The following PLOD3 variants were observed in gnomAD, a reference collection of about 807,000 sequenced individuals.
PLOD3 encodes the protein multifunctional procollagen lysine hydroxylase and glycosyltransferase LH3.
A neutral mutation model predicts 96.9 loss-of-function variants in PLOD3; 73 were observed. The observed-to-expected ratio is 0.75, with a 90% CI of 0.62 to 0.92. The LOEUF (loss-of-function observed/expected upper bound fraction) is 0.92, where lower values mean the gene tolerates loss of function less well. Among genes scored for constraint, PLOD3 ranks in the 40% least tolerant of loss-of-function variants. PLOD3 has a pLI of 0.00. For missense variants in PLOD3, 1,004 were observed against 1,004.3 expected, an observed-to-expected ratio of 1.00 and a Z score of 0.00; for synonymous variants, 454 against 413.7, an observed-to-expected ratio of 1.10 and a Z score of -1.18.
At chr7:101,210,028 CG>C in intron 15 of PLOD3, 64 bp downstream of exon 15, 3 of 628,974 alleles carry the variant, frequency 4.8e-6, no homozygotes, top group Non-Finnish European at 4.9e-6. Flanking sequence ...TGAATCCAGG[CG>C]GGGGCCCCCA....
chr7:101,207,603 C>T lies in PLOD3; in HGVS notation c.1910G>A (p.Ser637Asn). Residue 637 changes from serine (S) to asparagine (N), a missense_variant, in exon 17 of 19, where the codon AGC (serine) becomes AAC (asparagine). Ser to Asn is a conservative substitution (Grantham distance 46, BLOSUM62 1). This residue lies in a region of PLOD3 where 222 missense variants were observed against 220.4 expected (regional missense o/e 1.01). Coordinates refer to ENST00000223127, the MANE Select transcript of PLOD3 (RefSeq NM_001084.5). The stretch of plus-strand genomic sequence containing the variant: ...CTTGGTGTGGTAACCGGGAAACAGG[C>T]TCTCGGTCATGGGGCCCACATACGT... ...LRTYVGPMTE[S>N]LFPGYHTKAR... The T allele has an allele frequency of 1.2e-6, 2 of 1,614,058 alleles. No individual in the cohort carries two copies. The highest frequency in any genetic ancestry group is 1.1e-5 in the South Asian group (1 of 91,090).
At position 101,206,321 on chromosome 7, in the gene PLOD3, C is replaced by G; in HGVS notation, c.2177G>C (p.Trp726Ser). The G allele has an allele frequency of 6.2e-7, 1 of 1,614,028 alleles. No homozygotes were observed. Among genetic ancestry groups the G allele is most frequent in the Admixed American group, 1.7e-5 (1 of 60,016 alleles). The change falls in exon 19 of 19, where the codon TGG (tryptophan) becomes TCG (serine). Residue 726 changes from tryptophan (W) to serine (S), a missense_variant. Trp to Ser is a radical substitution (Grantham distance 177). Transcript: ENST00000223127. ...GGACACCATGATGTAGCGTGTGCCC[C>G]AGGTCGTTGGCAGCCCCTCGTGGTA... ...THYHEGLPTT[W>S]GTRYIMVSFV...
chr7:101,209,318 C>T (rs11973058), intron 15 of PLOD3, among the ~76,000 whole-genome samples: 2,117 of 152,080 alleles, frequency 0.014, 39 homozygotes, highest in East Asian at 0.086. Flanking sequence ...GCGATCCTCC[C>T]GCCTCAGACT....
rs80101104 is a variant in PLOD3 at position 101,212,102 on chromosome 7, A to G, written c.1127+151T>C. ...GTCTGGGTGAGCTGGCAAGGGCAGG[A>G]GTGACAGCATGGGGGCTGCAAGGAT... On this transcript the variant is annotated intron_variant, in intron 10 of 18. Coordinates refer to ENST00000223127, the MANE Select transcript of PLOD3 (RefSeq NM_001084.5). 10,265 of 1,125,604 alleles carry G rather than the reference A, an allele frequency of 9.1e-3. 199 individuals are homozygous for G. Among genetic ancestry groups the G allele is most frequent in the East Asian group, 0.079 (3,257 of 41,214 alleles). The allele number at this position is 1,125,604 out of a possible 1,614,324, so 69.7% of individuals were successfully genotyped here.
At chr7:101,211,478 G>C (rs1028451447) in intron 12 of PLOD3, 113 bp downstream of exon 12, 1 of 1,128,636 alleles carries the variant, frequency 8.9e-7, no homozygotes. Context: ...ACTGCAGCCA[G>C]CCTCATGGCA....
intron 12 of PLOD3, chr7:101,211,281 G>A (rs1167510102): frequency 3.2e-6 from 1 of 313,442 alleles, no homozygotes; most frequent in African/African-American, 2.1e-5. Context: ...CCAAGTTCAA[G>A]TGATTCTCCC....
At chr7:101,207,512 T>G in intron 17 of PLOD3, 66 bp downstream of exon 17, 70 of 1,544,756 alleles carry the variant, frequency 4.5e-5, no homozygotes, top group Non-Finnish European at 5.8e-5. Flanking sequence ...GGGGTCTGCG[T>G]GGAGACTTCC....
Position 101,216,552 on chromosome 7 carries a change from G to A in PLOD3, c.202-6C>T, listed in dbSNP as rs759007615. ...TCCTCTCCCAGGCCCAGGGTCTGTG[G>A]AGAAGATTGCCCCGTGCCAGGCAAG... On this transcript the variant is annotated splice_polypyrimidine_tract_variant and splice_region_variant and intron_variant, in intron 2 of 18. Transcript: ENST00000223127. 1.2e-6 allele frequency: 2 copies of A among 1,614,010 alleles called. No homozygotes were observed. The highest frequency in any genetic ancestry group is 4.5e-5 in the East Asian group (2 of 44,864).
Position 101,206,913 on chromosome 7 carries a change from G to A in PLOD3, c.1936-9C>T. The A allele has an allele frequency of 6.4e-7, 1 of 1,554,810 alleles. No homozygotes were observed. The highest frequency in any genetic ancestry group is 8.7e-7 in the Non-Finnish European group (1 of 1,148,666). ...TTCATCACCGCCCGCGCCTGGGGGA[G>A]AGGAGGGAAGAGGCTGCAGGGACAG... On this transcript the variant is annotated splice_polypyrimidine_tract_variant and intron_variant, in intron 17 of 18. Coordinates refer to ENST00000223127, the MANE Select transcript of PLOD3 (RefSeq NM_001084.5).
In PLOD3 at chr7:101,212,570, T is replaced by A. The variant is rs1798202898; in HGVS notation, c.965A>T (p.Asp322Val). ...AAGGGTGACCCTGTCGGGGGGATAG[T>A]CCAGGAGTAGCAGCCGCTGCAGGAA... Reference protein sequence around the residue: ...PRFLQRLLLLDYPPDRVTLFL... With the variant: ...PRFLQRLLLLVYPPDRVTLFL... The change falls in exon 9 of 19, where the codon GAC (aspartate) becomes GTC (valine). Residue 322 changes from aspartate (D) to valine (V), a missense_variant. This residue lies in a region of PLOD3 where 690 missense variants were observed against 650.2 expected (regional missense o/e 1.06). Transcript: ENST00000223127. 1 of 1,613,430 alleles carries A rather than the reference T, an allele frequency of 6.2e-7. No homozygotes were observed. Among genetic ancestry groups the A allele is most frequent in the Non-Finnish European group, 8.5e-7 (1 of 1,179,804 alleles).
In PLOD3 at chr7:101,206,758, G is replaced by A. The variant is rs373545611; in HGVS notation, c.2061+21C>T. On this transcript the variant is annotated intron_variant, in intron 18 of 18. Transcript: ENST00000223127. ...AGGGTCCTGAGGTGAAGCGTGGGTG[G>A]GTAGTGTGACTGGGGCGCACCTCAT... The A allele has an allele frequency of 3.0e-4, 475 of 1,576,128 alleles. 2 individuals are homozygous for A. The African/African-American group carries it at 5.8e-3, about 19-fold the overall frequency.
intron 15 of PLOD3, among the ~76,000 whole-genome samples, chr7:101,209,336 A>C (rs1798143135): frequency 6.6e-6 from 1 of 151,786 alleles, no homozygotes; most frequent in Non-Finnish European, 1.5e-5. Context: ...ACTCCCAAGT[A>C]GCTGGAACTA....
At chr7:101,206,670 C>A in intron 18 of PLOD3, 109 bp downstream of exon 18, 1 of 1,311,120 alleles carries the variant, frequency 7.6e-7, no homozygotes, top group South Asian at 1.3e-5. Context: ...CCCACAAAGT[C>A]ACTGGGAAAT....
rs775480770 is a variant in PLOD3 at position 101,206,328 on chromosome 7, T to C, written c.2170A>G (p.Thr724Ala). Residue 724 changes from threonine (T) to alanine (A), a missense_variant, in exon 19 of 19, where the codon ACG becomes GCG. By Grantham distance (58) the Thr-to-Ala change is moderately conservative. Around this residue, in one of 5 missense-constraint regions of PLOD3, gnomAD observed 222 missense variants for 220.4 expected, o/e 1.01. Transcript: ENST00000223127. Reference protein sequence around the residue: ...RLTHYHEGLPTTWGTRYIMVS... With the variant: ...RLTHYHEGLPATWGTRYIMVS... ...ATGATGTAGCGTGTGCCCCAGGTCG[T>C]TGGCAGCCCCTCGTGGTAGTGGGTG... is the stretch of plus-strand genomic sequence containing the variant. 1.9e-6 allele frequency: 3 copies of C among 1,613,950 alleles called. No individual in the cohort carries two copies. The highest frequency in any genetic ancestry group is 1.7e-6 in the Non-Finnish European group (2 of 1,179,902).
rs1441627968 is a variant in PLOD3, at chr7:101,208,879, C to T, written c.1762G>A (p.Gly588Ser). The T allele has an allele frequency of 9.3e-6, 15 of 1,613,552 alleles. No individual in the cohort carries two copies. The highest frequency in any genetic ancestry group is 2.7e-5 in the African/African-American group (2 of 74,906). ...DELVAEMEHYGQWSGGRHEDS... is the reference protein window; with the variant it reads ...DELVAEMEHYSQWSGGRHEDS... ...TCATGCCGGCCGCCTGACCACTGGC[C>T]GTAGTGCTCCATCTCTGCCACCAGC... Residue 588 changes from glycine to serine, a missense_variant, in exon 16 of 19, where the codon GGC becomes AGC. By Grantham distance (56) the Gly-to-Ser change is moderately conservative. Transcript: ENST00000223127.
Position 101,212,649 on chromosome 7 carries a change from G to T in PLOD3, c.886C>A (p.Pro296Thr). ...ACAAACACGGCCAGAAACACCCGGG[G>T]GGGAGGCTGGAAGATGCAACACGCA... ...RRTLPGGQPP[P>T]RVFLAVFVEQ... Residue 296 changes from proline (P) to threonine (T), a missense_variant, in exon 9 of 19, where the codon CCC (proline) becomes ACC (threonine). Around this residue, in one of 5 missense-constraint regions of PLOD3, gnomAD observed 690 missense variants for 650.2 expected, o/e 1.06. Coordinates refer to ENST00000223127, the MANE Select transcript of PLOD3 (RefSeq NM_001084.5). The T allele has an allele frequency of 6.2e-7, 1 of 1,613,772 alleles. No homozygotes were observed. The highest frequency in any genetic ancestry group is 1.1e-5 in the South Asian group (1 of 91,068).
chr7:101,211,335 G>A (rs568506943), intron 12 of PLOD3: 22 of 461,326 alleles, frequency 4.8e-5, no homozygotes, highest in East Asian at 3.5e-4. Context: ...ACGCACCACC[G>A]TGCCCAGCTA....
At chr7:101,209,033 G>T in intron 15 of PLOD3, 76 bp from the exon 16 acceptor site, 1 of 1,052,332 alleles carries the variant, frequency 9.5e-7, no homozygotes. Context: ...AGGCAGAATG[G>T]GAAGGGGCAG....
Position 101,212,294 on chromosome 7 carries a change from C to G in PLOD3, c.1086G>C (p.Pro362=). 6.2e-7 allele frequency: 1 copy of G among 1,613,760 alleles called. No homozygotes were observed. The highest frequency in any genetic ancestry group is 8.5e-7 in the Non-Finnish European group (1 of 1,179,960). Residue 362 remains proline (P), a synonymous_variant, in exon 10 of 19, where the codon CCG becomes CCC. Coordinates refer to ENST00000223127, the MANE Select transcript of PLOD3 (RefSeq NM_001084.5). ...DHFSAVKLVG[P]EEALSPGEAR... The stretch of plus-strand genomic sequence containing the variant: ...CCTCGCCTGGGCTCAGAGCCTCCTC[C>G]GGCCCCACGAGCTTCACAGCTGAGA...
Sources: allele counts gnomAD v4.1 joint callset (sites outside exome capture counted in the v4.1 genomes callset), GRCh38; gene constraint gnomAD v4.1.1; regional missense constraint gnomAD v4.1.1; transcripts MANE v1.5; gene names NCBI Gene and HGNC (gene_info 2026-07-23, HGNC 2026-07-21).